The following RYR2 variants were observed in gnomAD, a reference collection of about 807,000 sequenced individuals.
The protein encoded by RYR2 is cardiac muscle ryanodine receptor-calcium release channel.
In RYR2, 227 loss-of-function variants were observed where a neutral mutation model predicts 601.1. The observed-to-expected ratio is 0.38, with a 90% CI of 0.34 to 0.42. RYR2 has a LOEUF of 0.42. RYR2 is among the 10% of genes least tolerant of loss of function. RYR2 has a pLI of 1.00. For synonymous variants in RYR2, 2,223 were observed against 2,175.1 expected (o/e 1.02, Z -0.61); for missense variants, 4,646 against 6,156.5 (o/e 0.75, Z 8.21).
intron 10 of RYR2, among the ~76,000 whole-genome samples, chr1:237,399,281 C>G (rs1043902867): frequency 6.6e-5 from 10 of 152,122 alleles, no homozygotes; most frequent in African/African-American, 2.4e-4. Context: ...TATCAATCCC[C>G]AAAGGTTGCA....
chr1:237,724,184 CATATATATATATATAT>C (rs35705894), intron 74 of RYR2, among the ~76,000 whole-genome samples: 13 of 136,984 alleles, frequency 9.5e-5, no homozygotes, highest in South Asian at 2.4e-4. Flanking sequence ...TGTGTGTGTG[CATATATATATATATAT>C]ATATATATAT....
At chr1:237,770,656 G>C (rs1694196684) in intron 84 of RYR2, 151 bp from the exon 85 acceptor site, 1 of 502,756 alleles carries the variant, frequency 2.0e-6, no homozygotes, top group Non-Finnish European at 3.7e-6. Flanking sequence ...ATGATCTTAT[G>C]AGCTTCAGAT....
chr1:237,056,663 G>C (rs1336598004), intron 1 of RYR2, among the ~76,000 whole-genome samples: 1 of 147,416 alleles, frequency 6.8e-6, no homozygotes, highest in African/African-American at 2.5e-5. Context: ...ATGAGGACTA[G>C]AGACTGCATT....
Position 237,638,249 on chromosome 1 carries a change from G to A in RYR2, c.6793-108G>A, listed in dbSNP as rs868011275. ...GAGAGCAAAAAGAATTTGCAAAAATGCATTTGTTTAAAAGCATCCTTTAAG... is the reference window on the plus strand; with the variant it reads ...GAGAGCAAAAAGAATTTGCAAAAATACATTTGTTTAAAAGCATCCTTTAAG... On this transcript the variant is annotated intron_variant, in intron 44 of 104. Transcript: ENST00000366574. 2.0e-5 allele frequency: 29 copies of A among 1,463,204 alleles called. No homozygotes were observed. In the Middle Eastern group the frequency reaches 3.3e-3, roughly 169 times the overall value. The allele number at this position is 1,463,204 out of a possible 1,614,324, so 90.6% of individuals were successfully genotyped here.
At chr1:237,691,772 C>T (rs1686965357) in intron 63 of RYR2, among the ~76,000 whole-genome samples, 2 of 152,134 alleles carry the variant, frequency 1.3e-5, no homozygotes, top group African/African-American at 2.4e-5. Context: ...TAAATATAGG[C>T]TTCCCTGTTT....
chr1:237,360,341 C>T (rs747152622), intron 4 of RYR2, among the ~76,000 whole-genome samples: 6 of 152,096 alleles, frequency 3.9e-5, no homozygotes, highest in South Asian at 2.1e-4. Context: ...AATTCTCTAT[C>T]GAGACAAGCT....
chr1:237,113,790 A>G (rs1669761299), intron 1 of RYR2, among the ~76,000 whole-genome samples: 1 of 152,214 alleles, frequency 6.6e-6, no homozygotes, highest in African/African-American at 2.4e-5. Context: ...TGTTAGAGAG[A>G]TGAACTTAGA....
intron 65 of RYR2, among the ~76,000 whole-genome samples, chr1:237,701,320 C>G (rs2149035600): frequency 6.6e-6 from 1 of 152,272 alleles, no homozygotes; most frequent in African/African-American, 2.4e-5. Context: ...CAGCTGAAGT[C>G]AGGAGTTCGA....
intron 11 of RYR2, among the ~76,000 whole-genome samples, chr1:237,419,282 C>T (rs1346032255): frequency 6.6e-6 from 1 of 151,726 alleles, no homozygotes; most frequent in Non-Finnish European, 1.5e-5. Flanking sequence ...AGAGACCCTA[C>T]ATCTGTCTTA....
At chr1:237,294,346 A>AT (rs1692533416) in intron 2 of RYR2, among the ~76,000 whole-genome samples, 1 of 151,884 alleles carries the variant, frequency 6.6e-6, no homozygotes, top group Non-Finnish European at 1.5e-5. Flanking sequence ...TTAAAAATGC[A>AT]TTTTTCCAGG....
chr1:237,157,902 CAA>C (rs1014174410), intron 1 of RYR2, among the ~76,000 whole-genome samples: 19 of 152,128 alleles, frequency 1.2e-4, no homozygotes, highest in Non-Finnish European at 2.4e-4. Context: ...GTGCCCAATG[CAA>C]AGACATGATA....
chr1:237,668,890 T>A (rs1429810651), intron 58 of RYR2, among the ~76,000 whole-genome samples: 6 of 152,136 alleles, frequency 3.9e-5, no homozygotes, highest in Admixed American at 6.5e-5. Flanking sequence ...ATTTTTTTTA[T>A]TTTTTATTGA....
chr1:237,163,923 G>T (rs1464399807), intron 1 of RYR2, among the ~76,000 whole-genome samples: 1 of 152,240 alleles, frequency 6.6e-6, no homozygotes, highest in Non-Finnish European at 1.5e-5. Context: ...CAGACTTCAG[G>T]ATCAGAAACC....
chr1:237,731,847 A>G (rs1308599840), intron 77 of RYR2, among the ~76,000 whole-genome samples, 199 bp from the exon 78 acceptor site: 1 of 151,782 alleles, frequency 6.6e-6, no homozygotes. Context: ...TTATATACAC[A>G]TACACACATA....
intron 73 of RYR2, among the ~76,000 whole-genome samples, chr1:237,719,261 AAC>A (rs953595288): frequency 2.0e-5 from 3 of 152,318 alleles, no homozygotes; most frequent in African/African-American, 7.2e-5. Flanking sequence ...TGTCTCAAAA[AAC>A]ACAAAATTTA....
intron 1 of RYR2, among the ~76,000 whole-genome samples, chr1:237,128,158 G>A (rs537760674): frequency 7.9e-5 from 12 of 152,300 alleles, no homozygotes; most frequent in Admixed American, 3.9e-4. Flanking sequence ...CGAGGCTGGC[G>A]GATCACTTGC....
intron 48 of RYR2, among the ~76,000 whole-genome samples, chr1:237,647,962 G>A (rs997705904): frequency 2.2e-4 from 34 of 152,288 alleles, no homozygotes; most frequent in African/African-American, 8.2e-4. Flanking sequence ...TCATATGAAA[G>A]CCATACTGGT....
intron 1 of RYR2, among the ~76,000 whole-genome samples, chr1:237,254,094 A>C (rs1048955091): frequency 3.9e-5 from 6 of 152,220 alleles, no homozygotes; most frequent in Non-Finnish European, 8.8e-5. Flanking sequence ...CAGAAACAAG[A>C]TTAAAATTAC....
At chr1:237,387,851 G>A (rs1702063704) in intron 9 of RYR2, among the ~76,000 whole-genome samples, 1 of 152,202 alleles carries the variant, frequency 6.6e-6, no homozygotes, top group South Asian at 2.1e-4. Flanking sequence ...TTTAACAGAG[G>A]ATTTTATGTG....
Sources: allele counts gnomAD v4.1 joint callset (sites outside exome capture counted in the v4.1 genomes callset), GRCh38; gene constraint gnomAD v4.1.1; transcripts MANE v1.5; gene names NCBI Gene and HGNC (gene_info 2026-07-23, HGNC 2026-07-21).